The following EFNA5 variants were observed in gnomAD, a reference collection of about 807,000 sequenced individuals.
EFNA5 encodes ephrin-A5.
A neutral mutation model predicts 22.9 loss-of-function variants in EFNA5; 5 were observed. The ratio of observed to expected loss-of-function variants is 0.22; its 90% CI spans 0.11 to 0.46. EFNA5 has a LOEUF of 0.46. Ranked by LOEUF, EFNA5 falls within the 20% of genes least tolerant of loss-of-function variation. EFNA5 has a pLI of 0.99. For missense variants in EFNA5, 237 were observed against 293.3 expected (o/e 0.81, Z 1.40); for synonymous variants, 113 against 112.2 (o/e 1.01, Z -0.04).
intron 1 of EFNA5, among the ~76,000 whole-genome samples, chr5:107,517,172 G>A (rs1459965498): frequency 7.3e-5 from 11 of 150,536 alleles, no homozygotes; most frequent in African/African-American, 2.7e-4. Flanking sequence ...AAAAAAAAAA[G>A]ATGGAAAAAA....
At chr5:107,518,702 A>G (rs1747533592) in intron 1 of EFNA5, among the ~76,000 whole-genome samples, 2 of 152,170 alleles carry the variant, frequency 1.3e-5, no homozygotes, top group South Asian at 4.1e-4. Context: ...AAGCACCCCT[A>G]TGAGCTGCTG....
In EFNA5 at chr5:107,658,618, G is replaced by A. The variant is rs576560984; in HGVS notation, c.125+11871C>T. Among the ~76,000 whole-genome samples the A allele has an allele frequency of 2.4e-4, 37 of 152,224 alleles. No homozygotes were observed. In the South Asian group the frequency reaches 6.6e-3, roughly 27 times the overall value. On this transcript the variant is annotated intron_variant, in intron 1 of 4. Coordinates refer to ENST00000333274, the MANE Select transcript of EFNA5 (RefSeq NM_001962.3). ...TGCAGAACTCTATGAAAAGTTCAGC[G>A]CAAATACAACCAAGAGTCCTTGAAG...
intron 1 of EFNA5, among the ~76,000 whole-genome samples, chr5:107,527,199 A>G (rs1188107995): frequency 1.3e-5 from 2 of 152,200 alleles, no homozygotes; most frequent in Non-Finnish European, 2.9e-5. Context: ...TTTGAACTGC[A>G]AAGGGTATAA....
At chr5:107,582,575 G>A (rs903147069) in intron 1 of EFNA5, among the ~76,000 whole-genome samples, 2 of 152,152 alleles carry the variant, frequency 1.3e-5, no homozygotes, top group Admixed American at 6.5e-5. Flanking sequence ...TTCTGCTACA[G>A]GCCCCAGAAT....
chr5:107,392,733 G>A (rs575514936), intron 2 of EFNA5, among the ~76,000 whole-genome samples: 29 of 152,210 alleles, frequency 1.9e-4, no homozygotes, highest in Non-Finnish European at 3.7e-4. Context: ...ACTTCGGACT[G>A]AAGGACTAAG....
At chr5:107,451,688 G>A (rs1749563798) in intron 1 of EFNA5, among the ~76,000 whole-genome samples, 2 of 152,124 alleles carry the variant, frequency 1.3e-5, no homozygotes, top group Admixed American at 1.3e-4. Context: ...AACAAGCCTG[G>A]ACCCACTTAA....
Position 107,413,325 on chromosome 5 carries a change from A to C in EFNA5, c.418+13892T>G, listed in dbSNP as rs1485339905. Among the ~76,000 whole-genome samples, 4 of 152,184 alleles carry C rather than the reference A, an allele frequency of 2.6e-5. No homozygotes were observed. The East Asian group carries it at 7.7e-4, about 29-fold the overall frequency. Reference sequence around the variant, plus strand: ...ATACAGAAGTGGTAAATAGTGATTAAGTACAGATCACTGTTGACCTTTAAT... The same window carrying C: ...ATACAGAAGTGGTAAATAGTGATTACGTACAGATCACTGTTGACCTTTAAT... On this transcript the variant is annotated intron_variant, in intron 2 of 4. Transcript: ENST00000333274.
chr5:107,527,115 A>G (rs1309550521), intron 1 of EFNA5, among the ~76,000 whole-genome samples: 4 of 152,168 alleles, frequency 2.6e-5, no homozygotes, highest in African/African-American at 9.7e-5. Context: ...CTGGACATAA[A>G]TATGACCTGG....
At position 107,602,324 on chromosome 5, in the gene EFNA5, A is replaced by G. The variant is rs190024038; in HGVS notation, c.125+68165T>C. On this transcript the variant is annotated intron_variant, in intron 1 of 4. Coordinates refer to ENST00000333274, the MANE Select transcript of EFNA5 (RefSeq NM_001962.3). The stretch of plus-strand genomic sequence containing the variant: ...TTGATGAGACAGAATTTGGGACTTC[A>G]TTACCTCGAAACAGGCCTGTTAATG... Among the ~76,000 whole-genome samples the G allele has an allele frequency of 1.6e-3, 242 of 152,302 alleles. 2 individuals carry two copies. The highest frequency in any genetic ancestry group is 5.7e-3 in the African/African-American group (239 of 41,574).
intron 1 of EFNA5, among the ~76,000 whole-genome samples, chr5:107,461,479 A>C (rs990987943): frequency 6.6e-6 from 1 of 152,084 alleles, no homozygotes. Context: ...TCAGACATTA[A>C]ATATAGAGGG....
chr5:107,384,583 C>A (rs889127270), intron 4 of EFNA5, among the ~76,000 whole-genome samples: 1 of 152,028 alleles, frequency 6.6e-6, no homozygotes, highest in African/African-American at 2.4e-5. Flanking sequence ...TGGCTCGACA[C>A]AGTGGTGAAG....
At chr5:107,476,628 T>C (rs1255151229) in intron 1 of EFNA5, among the ~76,000 whole-genome samples, 2 of 152,134 alleles carry the variant, frequency 1.3e-5, no homozygotes. Context: ...TTCTATGAAG[T>C]CCAATACCTG....
chr5:107,516,939 C>T (rs1291820711), intron 1 of EFNA5, among the ~76,000 whole-genome samples: 1 of 151,998 alleles, frequency 6.6e-6, no homozygotes, highest in Non-Finnish European at 1.5e-5. Context: ...CCCAAAAAGG[C>T]AAGTATATAG....
At chr5:107,583,338 A>T (rs1749107917) in intron 1 of EFNA5, among the ~76,000 whole-genome samples, 1 of 152,216 alleles carries the variant, frequency 6.6e-6, no homozygotes, top group Non-Finnish European at 1.5e-5. Context: ...TCTGGTTCAG[A>T]CTGAAGTACC....
At chr5:107,658,301 T>A (rs1163378835) in intron 1 of EFNA5, among the ~76,000 whole-genome samples, 1 of 152,200 alleles carries the variant, frequency 6.6e-6, no homozygotes, top group Non-Finnish European at 1.5e-5. Flanking sequence ...TTGGGAGGGT[T>A]TGCTTAATAT....
rs536252562 is a variant in EFNA5, at chr5:107,510,906, A to G, written c.126-83397T>C. 1.7e-4 allele frequency among the ~76,000 whole-genome samples: 26 copies of G among 152,196 alleles called. 1 individual carries two copies. The highest frequency in any genetic ancestry group is 3.1e-4 in the Non-Finnish European group (21 of 68,032). ...TTTACAATACTCTCAAACAGAAACT[A>G]TTTTAAACTACATGGTTAATTCAAC... is the stretch of plus-strand genomic sequence containing the variant. On this transcript the variant is annotated intron_variant, in intron 1 of 4. Coordinates refer to ENST00000333274, the MANE Select transcript of EFNA5 (RefSeq NM_001962.3).
chr5:107,465,538 T>C (rs1256724215), intron 1 of EFNA5, among the ~76,000 whole-genome samples: 1 of 152,144 alleles, frequency 6.6e-6, no homozygotes, highest in Non-Finnish European at 1.5e-5. Flanking sequence ...AAAGCTGACA[T>C]GGTGATCATG....
rs138196573 is a variant in EFNA5, at chr5:107,419,250, A to G, written c.418+7967T>C. Among the ~76,000 whole-genome samples the G allele has an allele frequency of 3.9e-3, 590 of 152,356 alleles. 3 individuals are homozygous for G. Among genetic ancestry groups the G allele is most frequent in the Middle Eastern group, 0.017 (5 of 294 alleles). ...TATCCTCTTTCATGTTCTTTATTTA[A>G]CCTTCATTTAAGAGCCCTTGAAATT... On this transcript the variant is annotated intron_variant, in intron 2 of 4. Coordinates refer to ENST00000333274, the MANE Select transcript of EFNA5 (RefSeq NM_001962.3).
intron 1 of EFNA5, among the ~76,000 whole-genome samples, chr5:107,605,812 A>G (rs1335853663): frequency 2.0e-5 from 3 of 152,182 alleles, no homozygotes; most frequent in African/African-American, 4.8e-5. Context: ...ATTGTCCTCA[A>G]TAACAGGCTT....
Sources: gnomAD v4.1 joint callset for allele counts (sites outside exome capture counted in the v4.1 genomes callset) on GRCh38, gnomAD v4.1.1 for gene constraint, MANE v1.5 for transcripts, NCBI Gene and HGNC (gene_info 2026-07-23, HGNC 2026-07-21) for gene names.